Variants in AOPEP observed in about 807,000 individuals in gnomAD.
AOPEP encodes aminopeptidase O (putative).
A neutral mutation model predicts 98.1 loss-of-function variants in AOPEP; 77 were observed. The ratio of observed to expected loss-of-function variants is 0.78; its 90% confidence interval spans 0.65 to 0.95. The LOEUF is 0.95. AOPEP is among the 40% of genes least tolerant of loss of function. The pLI is 0.00. For synonymous variants in AOPEP, 346 were observed against 365.3 expected (o/e 0.95, Z 0.60); for missense variants, 1,024 against 1,024.7 (o/e 1.00, Z 0.01).
rs2069637108 is a variant in AOPEP, at chr9:95,080,635, C to T, written c.2233-59C>T. ...ATACAGAGGCTGCCTGTCACTGGGC[C>T]CGGTGGGCTGGGATGCCTGCCTGCT... On this transcript the variant is annotated intron_variant, in intron 14 of 16. Coordinates refer to ENST00000375315, the MANE Select transcript of AOPEP (RefSeq NM_001193329.3). 4 of 1,269,720 alleles carry T rather than the reference C, an allele frequency of 3.2e-6. No individual in the cohort carries two copies. The Admixed American group carries it at 6.8e-5, about 21-fold the overall frequency. The allele number at this position is 1,269,720 out of a possible 1,614,324, so 78.7% of individuals were successfully genotyped here. A position where few individuals can be genotyped will look rare whatever the true frequency, so the allele number is the denominator to read the frequency against.
chr9:94,815,317 G>A (rs1020791957), intron 5 of AOPEP, among the ~76,000 whole-genome samples: 1 of 152,188 alleles, frequency 6.6e-6, no homozygotes, highest in African/African-American at 2.4e-5. Flanking sequence ...GCACTGTAAA[G>A]TGTTTTGATT....
intron 13 of AOPEP, among the ~76,000 whole-genome samples, chr9:95,048,436 CG>C (rs1435779143): frequency 3.3e-5 from 2 of 60,390 alleles, no homozygotes; most frequent in Admixed American, 4.2e-4. Flanking sequence ...CCATCCGGGG[CG>C]GGGCGGGGTG....
chr9:95,103,028 G>A, the AOPEP span, among the ~76,000 whole-genome samples: 16 of 152,176 alleles, frequency 1.1e-4, no homozygotes, highest in Non-Finnish European at 1.9e-4. Context: ...AGAAATGACA[G>A]GCACATAGTG....
At chr9:94,891,377 TG>T (rs1355826411) in intron 5 of AOPEP, among the ~76,000 whole-genome samples, 2 of 152,242 alleles carry the variant, frequency 1.3e-5, no homozygotes, top group Non-Finnish European at 2.9e-5. Flanking sequence ...ACTTTTAAAT[TG>T]GCATATTTAG....
chr9:94,858,025 C>T (rs947053573), intron 5 of AOPEP, among the ~76,000 whole-genome samples: 4 of 151,582 alleles, frequency 2.6e-5, no homozygotes, highest in Non-Finnish European at 4.4e-5. Context: ...GCAAGTCTCC[C>T]AGCTCAGCCT....
chr9:94,778,171 A>G (rs1303379431), intron 3 of AOPEP, among the ~76,000 whole-genome samples: 3 of 152,216 alleles, frequency 2.0e-5, no homozygotes, highest in African/African-American at 4.8e-5. Flanking sequence ...ATAAGCCACA[A>G]CTAGAACTCT....
chr9:95,079,703 T>C (rs1355879137), intron 14 of AOPEP, among the ~76,000 whole-genome samples: 5 of 152,246 alleles, frequency 3.3e-5, no homozygotes, highest in Admixed American at 3.3e-4. Flanking sequence ...ACTCTTCCAC[T>C]GTGTCCGGAG....
chr9:94,769,971 G>A (rs1017959900), intron 2 of AOPEP, among the ~76,000 whole-genome samples: 1 of 152,250 alleles, frequency 6.6e-6, no homozygotes, highest in Admixed American at 6.5e-5. Context: ...GTTGGTGGAA[G>A]GACCAGCCCC....
chr9:94,955,264 G>A lies in AOPEP; in HGVS notation c.1749G>A (p.Gln583=), dbSNP rs1452312198. The stretch of plus-strand genomic sequence containing the variant: ...TTAATCCGGAGAAGATCTTCATGCA[G>A]GTGCATTATTTAAAGGTAAGCACAT... ...HGLNPEKIFM[Q]VHYLKGYFLL... is the part of the protein sequence containing the mutation. The change falls in exon 8 of 17, where the codon CAG becomes CAA. Residue 583 remains glutamine, a synonymous_variant. Transcript: ENST00000375315. The A allele has an allele frequency of 6.2e-7, 1 of 1,611,548 alleles. No homozygotes were observed. Among genetic ancestry groups the A allele is most frequent in the Admixed American group, 1.7e-5 (1 of 59,710 alleles).
At chr9:94,919,689 G>T (rs910277210) in intron 5 of AOPEP, among the ~76,000 whole-genome samples, 2 of 152,206 alleles carry the variant, frequency 1.3e-5, no homozygotes, top group South Asian at 2.1e-4. Flanking sequence ...GCGACAGTTT[G>T]TCTCCCTTTC....
chr9:95,150,124 G>C, the AOPEP span: 1 of 1,610,766 alleles, frequency 6.2e-7, no homozygotes, highest in Non-Finnish European at 8.5e-7. Flanking sequence ...TCAAATCTAA[G>C]AGCCATGCAT....
chr9:95,076,321 G>C (rs1388235021), intron 14 of AOPEP, among the ~76,000 whole-genome samples: 2 of 152,094 alleles, frequency 1.3e-5, no homozygotes, highest in African/African-American at 4.8e-5. Flanking sequence ...ACACTGATCT[G>C]GACACCCCAC....
At chr9:94,933,432 C>T (rs76455830) in intron 7 of AOPEP, 1 of 985,380 alleles carries the variant, frequency 1.0e-6, no homozygotes, top group South Asian at 4.7e-5. Context: ...AATTCAAGCT[C>T]CTGCTGAGGA....
intron 1 of AOPEP, among the ~76,000 whole-genome samples, chr9:94,751,148 C>G (rs998834489): frequency 2.2e-4 from 33 of 152,242 alleles, no homozygotes; most frequent in African/African-American, 7.9e-4. Context: ...CGGTGGAAAA[C>G]TATAACGCAG....
intron 5 of AOPEP, among the ~76,000 whole-genome samples, chr9:94,907,138 T>C (rs759539690): frequency 1.8e-4 from 27 of 152,290 alleles, no homozygotes; most frequent in Middle Eastern, 3.4e-3. Context: ...GAAAGATGGA[T>C]ATGAAGGGCC....
At chr9:95,089,964 T>C (rs982120936), downstream of AOPEP, among the ~76,000 whole-genome samples, 8 of 152,186 alleles carry the variant, frequency 5.3e-5, no homozygotes, top group Non-Finnish European at 1.2e-4. Context: ...CACATCAGCT[T>C]CCTGTCTAGG....
chr9:94,940,346 C>G (rs1424148664), intron 7 of AOPEP, among the ~76,000 whole-genome samples: 1 of 152,182 alleles, frequency 6.6e-6, no homozygotes, highest in African/African-American at 2.4e-5. Flanking sequence ...TGGCTCATGC[C>G]TGTAATCTCA....
At chr9:94,880,618 A>G (rs1259421866) in intron 5 of AOPEP, among the ~76,000 whole-genome samples, 2 of 152,030 alleles carry the variant, frequency 1.3e-5, no homozygotes, top group Non-Finnish European at 2.9e-5. Context: ...GGCATCCCAA[A>G]GTGTTGGGAT....
At chr9:94,740,649 A>T (rs1832860070) in intron 1 of AOPEP, among the ~76,000 whole-genome samples, 1 of 152,152 alleles carries the variant, frequency 6.6e-6, no homozygotes, top group African/African-American at 2.4e-5. Flanking sequence ...GCCATGCAGG[A>T]CACAAGATCA....
Sources: allele counts gnomAD v4.1 joint callset (sites outside exome capture counted in the v4.1 genomes callset), GRCh38; gene constraint gnomAD v4.1.1; transcripts MANE v1.5; gene names NCBI Gene and HGNC (gene_info 2026-07-23, HGNC 2026-07-21).